TMEM51: variants seen among roughly 807,000 people sequenced by gnomAD.
TMEM51 encodes chromosome 1 open reading frame 72.
Under a neutral mutation model 13.6 loss-of-function variants are expected in TMEM51, and 8 were observed. That is an observed-to-expected ratio of 0.59 (90% CI 0.35 to 1.07). TMEM51 has a LOEUF of 1.07. TMEM51 is among the 50% of genes least tolerant of loss of function. The probability of loss-of-function intolerance (pLI) is 0.02; values close to 1 mark genes in which losing one functional copy is unlikely to be tolerated. For synonymous variants in TMEM51, 147 were observed against 144.4 expected, an observed-to-expected ratio of 1.02 and a Z score of -0.13; for missense variants, 279 against 330.7, an observed-to-expected ratio of 0.84 and a Z score of 1.21.
At chr1:15,169,395 T>TA (rs367970268) in intron 1 of TMEM51, among the ~76,000 whole-genome samples, 1 of 151,530 alleles carries the variant, frequency 6.6e-6, no homozygotes, top group South Asian at 2.1e-4. Context: ...TTTTTTTTTT[T>TA]ACTTTGTCTT....
intron 1 of TMEM51, among the ~76,000 whole-genome samples, chr1:15,156,494 T>A (rs767211460): frequency 6.6e-6 from 1 of 152,212 alleles, no homozygotes; most frequent in Non-Finnish European, 1.5e-5. Context: ...CCCTCGGTGC[T>A]GGGAAAGTTT....
At chr1:15,163,234 C>T (rs1642853955) in intron 1 of TMEM51, among the ~76,000 whole-genome samples, 1 of 151,926 alleles carries the variant, frequency 6.6e-6, no homozygotes, top group Non-Finnish European at 1.5e-5. Flanking sequence ...AGTAGGAAAC[C>T]AACAAGTAAA....
chr1:15,212,220 G>A (rs1463694062), intron 2 of TMEM51, among the ~76,000 whole-genome samples: 8 of 152,138 alleles, frequency 5.3e-5, no homozygotes, highest in Non-Finnish European at 1.5e-5. Context: ...GCCAAAACTT[G>A]CCATCTAAAA....
chr1:15,189,077 G>A (rs1201745449), intron 1 of TMEM51, among the ~76,000 whole-genome samples: 2 of 152,058 alleles, frequency 1.3e-5, no homozygotes, highest in Admixed American at 6.6e-5. Context: ...ATCTCGCTGT[G>A]TTGCCCAGGC....
At chr1:15,166,276 G>A (rs1048103295) in intron 1 of TMEM51, among the ~76,000 whole-genome samples, 3 of 152,192 alleles carry the variant, frequency 2.0e-5, no homozygotes, top group Non-Finnish European at 2.9e-5. Context: ...TTTGGGAACT[G>A]TAGAGAGCTT....
At chr1:15,192,296 G>A (rs16851387) in intron 1 of TMEM51, 62,960 of 369,518 alleles carry the variant, frequency 0.17, 5,977 homozygotes, top group African/African-American at 0.22. Flanking sequence ...AATAAGGTCA[G>A]GATCTACTGG....
intron 1 of TMEM51, among the ~76,000 whole-genome samples, chr1:15,201,997 G>A (rs1471729642): frequency 6.6e-6 from 1 of 152,120 alleles, no homozygotes; most frequent in African/African-American, 2.4e-5. Flanking sequence ...TAAAGTAAAC[G>A]TCAGTCTTGT....
At chr1:15,185,146 G>A (rs749496079) in intron 1 of TMEM51, among the ~76,000 whole-genome samples, 12 of 151,656 alleles carry the variant, frequency 7.9e-5, no homozygotes, top group South Asian at 4.2e-4. Flanking sequence ...CCACCTCACC[G>A]GTGAAGTAAT....
At chr1:15,156,771 G>T (rs977789695) in intron 1 of TMEM51, among the ~76,000 whole-genome samples, 9 of 152,162 alleles carry the variant, frequency 5.9e-5, no homozygotes, top group Non-Finnish European at 8.8e-5. Context: ...ACTTACCCAA[G>T]GACACACAAC....
At chr1:15,160,396 C>G (rs905819479) in intron 1 of TMEM51, among the ~76,000 whole-genome samples, 4 of 152,174 alleles carry the variant, frequency 2.6e-5, no homozygotes, top group Non-Finnish European at 2.9e-5. Flanking sequence ...GCCTCAGCCT[C>G]CTGAGTAGCT....
chr1:15,171,013 C>T (rs1643250188), intron 1 of TMEM51, among the ~76,000 whole-genome samples: 3 of 152,074 alleles, frequency 2.0e-5, no homozygotes, highest in Admixed American at 2.0e-4. Flanking sequence ...TAAATGCTTG[C>T]ATGAGTGGTT....
intron 1 of TMEM51, among the ~76,000 whole-genome samples, chr1:15,187,462 T>C (rs953513914): frequency 2.0e-5 from 3 of 152,184 alleles, no homozygotes; most frequent in African/African-American, 7.2e-5. Context: ...CAGAGGGTGG[T>C]GATGCCTGTA....
intron 1 of TMEM51, among the ~76,000 whole-genome samples, chr1:15,163,462 C>G (rs1642864361): frequency 6.6e-6 from 1 of 151,938 alleles, no homozygotes; most frequent in South Asian, 2.1e-4. Flanking sequence ...CCCCCACCTA[C>G]CTCGTACCCC....
intron 1 of TMEM51, among the ~76,000 whole-genome samples, chr1:15,210,085 A>T (rs1644315348): frequency 1.3e-5 from 2 of 152,024 alleles, no homozygotes; most frequent in Admixed American, 1.3e-4. Context: ...GGAAGCATGG[A>T]TTCCATTTGC....
intron 1 of TMEM51, among the ~76,000 whole-genome samples, chr1:15,187,418 C>CT (rs1643814445): frequency 6.6e-6 from 1 of 152,218 alleles, no homozygotes; most frequent in Non-Finnish European, 1.5e-5. Context: ...CTTCTTCTCT[C>CT]TTTGCCCATC....
At position 15,219,564 on chromosome 1, in the gene TMEM51, G is replaced by T. The variant is rs149266693; in HGVS notation, c.583G>T (p.Ala195Ser). Residue 195 changes from alanine (A) to serine (S), a missense_variant, in exon 4 of 4, where the codon GCC becomes TCC. Coordinates refer to ENST00000376008, the MANE Select transcript of TMEM51 (RefSeq NM_001136218.2). The stretch of plus-strand genomic sequence containing the variant: ...CCCTGACAGGCAGAACTCTAAGTTG[G>T]CCAAACGACTGAAACCGCTGAAAGT... ...NPPDRQNSKL[A>S]KRLKPLKVRR... The T allele has an allele frequency of 4.3e-6, 7 of 1,614,054 alleles. No homozygotes were observed. The African/African-American group carries it at 9.3e-5, about 22-fold the overall frequency.
intron 1 of TMEM51, among the ~76,000 whole-genome samples, chr1:15,158,287 C>T (rs1407997703): frequency 1.3e-5 from 2 of 152,150 alleles, no homozygotes; most frequent in East Asian, 3.8e-4. Context: ...TGTGGGAGTC[C>T]AGAGGGCCGT....
At chr1:15,168,756 C>G in intron 1 of TMEM51, 1 of 1,304,244 alleles carries the variant, frequency 7.7e-7, no homozygotes, top group Non-Finnish European at 1.0e-6. Context: ...GACAAACTTG[C>G]TTCCCACAAG....
At chr1:15,185,525 T>G (rs894320966) in intron 1 of TMEM51, among the ~76,000 whole-genome samples, 1 of 152,238 alleles carries the variant, frequency 6.6e-6, no homozygotes, top group Non-Finnish European at 1.5e-5. Flanking sequence ...TCTTCTTCAT[T>G]TACTGGGATA....
Sources: gnomAD v4.1 joint callset for allele counts (sites outside exome capture counted in the v4.1 genomes callset) on GRCh38, gnomAD v4.1.1 for gene constraint, MANE v1.5 for transcripts, NCBI Gene and HGNC (gene_info 2026-07-23, HGNC 2026-07-21) for gene names.